Variants in BAZ2A observed in about 807,000 individuals in gnomAD.
BAZ2A encodes bromodomain adjacent to zinc finger domain 2A, also known as bromodomain adjacent to zinc finger domain protein 2A.
BAZ2A carries 34 observed loss-of-function variants against 199.9 expected under a neutral mutation model. The observed-to-expected ratio is 0.17, with a 90% CI of 0.13 to 0.23. The LOEUF (loss-of-function observed/expected upper bound fraction) is 0.23, where lower values mean the gene tolerates loss of function less well. Among genes scored for constraint, BAZ2A ranks in the 10% least tolerant of loss-of-function variants. The probability of loss-of-function intolerance (pLI) is 1.00; values close to 1 mark genes in which losing one functional copy is unlikely to be tolerated. For missense variants in BAZ2A, 2,002 were observed against 2,391.1 expected (o/e 0.84, Z 3.39); for synonymous variants, 857 against 883.9 (o/e 0.97, Z 0.54).
chr12:56,610,050 A>G, intron 9 of BAZ2A, 64 bp downstream of exon 9: 1 of 1,595,138 alleles, frequency 6.3e-7, no homozygotes, highest in Non-Finnish European at 8.6e-7. Context: ...CACGAGAGGA[A>G]GCTGCAGCTT....
chr12:56,604,435 G>A (rs1950281545), intron 15 of BAZ2A, 144 bp from the exon 16 acceptor site: 1 of 1,284,006 alleles, frequency 7.8e-7, no homozygotes, highest in African/African-American at 1.5e-5. Flanking sequence ...CTCTCCCAGG[G>A]AGGGCACTGC....
At chr12:56,603,268 G>A in intron 18 of BAZ2A, 91 bp downstream of exon 18, 1 of 1,406,052 alleles carries the variant, frequency 7.1e-7, no homozygotes, top group Non-Finnish European at 9.8e-7. Context: ...CATCTCAAAA[G>A]AATAAAAATT....
upstream of BAZ2A, among the ~76,000 whole-genome samples, chr12:56,631,844 T>C (rs1291497209): frequency 6.6e-6 from 1 of 152,056 alleles, no homozygotes; most frequent in Non-Finnish European, 1.5e-5. Context: ...CTACATTGGA[T>C]TTCCTTACTC....
In BAZ2A at chr12:56,601,529, T is replaced by C; in HGVS notation, c.4071+17A>G. The C allele has an allele frequency of 1.2e-6, 2 of 1,610,272 alleles. No individual in the cohort carries two copies. The highest frequency in any genetic ancestry group is 1.7e-6 in the Non-Finnish European group (2 of 1,178,972). ...CAAGATGAAATCAAGTGCATACTAC[T>C]AATTCTGGCTACTTACTGGCTTGGA... On this transcript the variant is annotated intron_variant, in intron 20 of 28. Coordinates refer to ENST00000549884, the MANE Select transcript of BAZ2A (RefSeq NM_001300905.2).
intron 1 of BAZ2A, among the ~76,000 whole-genome samples, chr12:56,618,811 A>G (rs1477611258): frequency 6.6e-6 from 1 of 152,024 alleles, no homozygotes; most frequent in African/African-American, 2.4e-5. Context: ...CAGAGGTTGC[A>G]GTGAGCTGAA....
chr12:56,614,251 T>C (rs1249221827), intron 3 of BAZ2A, 113 bp from the exon 4 acceptor site: 4 of 1,111,564 alleles, frequency 3.6e-6, no homozygotes, highest in East Asian at 4.8e-5. Context: ...TCAACATTTA[T>C]TGCGGCCAGT....
upstream of BAZ2A, among the ~76,000 whole-genome samples, chr12:56,631,218 C>G (rs1436305500): frequency 6.6e-6 from 1 of 151,828 alleles, no homozygotes; most frequent in African/African-American, 2.4e-5. Context: ...TTTGGGAGGC[C>G]GAGGCAGGTG....
At chr12:56,599,555 C>G (rs1195884833) in intron 26 of BAZ2A, 147 bp downstream of exon 26, 1 of 1,295,000 alleles carries the variant, frequency 7.7e-7, no homozygotes, top group East Asian at 2.5e-5. Flanking sequence ...GCAATTAAAG[C>G]TATAGAATTT....
chr12:56,602,615 AT>A (rs1342581198), intron 19 of BAZ2A, 97 bp downstream of exon 19: 2 of 1,462,902 alleles, frequency 1.4e-6, no homozygotes, highest in Non-Finnish European at 1.8e-6. Flanking sequence ...ACGCTATATT[AT>A]CAGAAAATGA....
At position 56,602,614 on chromosome 12, in the gene BAZ2A, T is replaced by C. The variant is rs1592560594; in HGVS notation, c.3424+99A>G. The C allele has an allele frequency of 2.1e-6, 3 of 1,459,756 alleles. No individual in the cohort carries two copies. In the East Asian group the frequency reaches 7.1e-5, roughly 35 times the overall value. The allele number at this position is 1,459,756 out of a possible 1,614,324, so 90.4% of individuals were successfully genotyped here. On this transcript the variant is annotated intron_variant, in intron 19 of 28. Coordinates refer to ENST00000549884, the MANE Select transcript of BAZ2A (RefSeq NM_001300905.2). Reference sequence around the variant, plus strand: ...TGTGCTCTTAACCATTACGCTATATTATCAGAAAATGAAAGAAGCCCAAGA... The same window carrying C: ...TGTGCTCTTAACCATTACGCTATATCATCAGAAAATGAAAGAAGCCCAAGA...
Position 56,600,671 on chromosome 12 carries a change from C to T in BAZ2A, c.4602+10G>A. 2 of 1,611,476 alleles carry T rather than the reference C, an allele frequency of 1.2e-6. No homozygotes were observed. Among genetic ancestry groups the T allele is most frequent in the Non-Finnish European group, 1.7e-6 (2 of 1,179,020 alleles). On this transcript the variant is annotated intron_variant, in intron 23 of 28. Transcript: ENST00000549884. ...CCCAACCTTCCTACACAGTGCCAATCCCAGCATACCCGAATCTGCAGATCA... is the reference window on the plus strand; with the variant it reads ...CCCAACCTTCCTACACAGTGCCAATTCCAGCATACCCGAATCTGCAGATCA...
At chr12:56,599,676 T>C (rs776937641) in intron 26 of BAZ2A, 26 bp downstream of exon 26, 24 of 1,611,936 alleles carry the variant, frequency 1.5e-5, no homozygotes, top group Non-Finnish European at 1.8e-5. Context: ...TGTTTGAGTG[T>C]GGGAAAGAAA....
chr12:56,603,493 C>T lies in BAZ2A; in HGVS notation c.3219+27G>A, dbSNP rs777187930. On this transcript the variant is annotated intron_variant, in intron 17 of 28. Transcript: ENST00000549884. ...GAAAGAGGAATTTATTTTCTAACTC[C>T]CACTTTCCTTGATCTTGGGCCAGTA... 2.5e-6 allele frequency: 4 copies of T among 1,613,810 alleles called. No homozygotes were observed. In the East Asian group the frequency reaches 8.9e-5, roughly 36 times the overall value.
At chr12:56,629,302 G>A (rs1011903722) in intron 1 of BAZ2A, among the ~76,000 whole-genome samples, 1 of 152,070 alleles carries the variant, frequency 6.6e-6, no homozygotes. Flanking sequence ...ACCCTACAAA[G>A]GACAACTGCT....
intron 5 of BAZ2A, among the ~76,000 whole-genome samples, chr12:56,612,481 C>T (rs1289025136): frequency 6.6e-6 from 1 of 152,200 alleles, no homozygotes; most frequent in Admixed American, 6.5e-5. Context: ...AATAAAGCTT[C>T]TAGCCTCCTT....
chr12:56,615,216 C>T lies in BAZ2A; in HGVS notation c.528G>A (p.Val176=). 6.2e-7 allele frequency: 1 copy of T among 1,613,842 alleles called. No individual in the cohort carries two copies. The highest frequency in any genetic ancestry group is 8.5e-7 in the Non-Finnish European group (1 of 1,179,842). Residue 176 remains valine, a synonymous_variant, in exon 3 of 29, where the codon GTG becomes GTA. Coordinates refer to ENST00000549884, the MANE Select transcript of BAZ2A (RefSeq NM_001300905.2). ...YDSFPDQNFE[V]MPNGPPSFFT... ...AAAAACTAGGGGGTCCATTGGGCAT[C>T]ACCTCAAAATTCTGGTCAGGAAAGG... is the stretch of plus-strand genomic sequence containing the variant.
rs1454825988 is a variant in BAZ2A, at chr12:56,598,986, G to A, written c.5428C>T (p.His1810Tyr). The change falls in exon 28 of 29, where the codon CAT becomes TAT. Residue 1810 changes from histidine to tyrosine, a missense_variant. By Grantham distance (83) the His-to-Tyr change is moderately conservative (BLOSUM62 2). Coordinates refer to ENST00000549884, the MANE Select transcript of BAZ2A (RefSeq NM_001300905.2). ...TCTAGGAAAGGCCAGGCTGCATCAT[G>A]GGACTCCATCTCCATCAGGATAATC... ...CEIILMEMES[H>Y]DAAWPFLEPV... is the part of the protein sequence containing the mutation. 6.2e-7 allele frequency: 1 copy of A among 1,611,128 alleles called. No homozygotes were observed. Among genetic ancestry groups the A allele is most frequent in the African/African-American group, 1.3e-5 (1 of 74,866 alleles).
At chr12:56,610,035 A>C in intron 9 of BAZ2A, 79 bp downstream of exon 9, 3 of 1,601,944 alleles carry the variant, frequency 1.9e-6, no homozygotes, top group Non-Finnish European at 2.6e-6. Context: ...AGAACCTTCA[A>C]ACCCCACGAG....
At position 56,602,218 on chromosome 12, in the gene BAZ2A, C is replaced by A. The variant is rs11829918; in HGVS notation, c.3425-26G>T. The A allele has an allele frequency of 2.5e-3, 3,845 of 1,525,668 alleles. 78 individuals are homozygous for A. The African/African-American group carries it at 0.047, about 19-fold the overall frequency. The allele number at this position is 1,525,668 out of a possible 1,614,324, so 94.5% of individuals were successfully genotyped here. A position where few individuals can be genotyped will look rare whatever the true frequency, so the allele number is the denominator to read the frequency against. On this transcript the variant is annotated intron_variant, in intron 19 of 28. Coordinates refer to ENST00000549884, the MANE Select transcript of BAZ2A (RefSeq NM_001300905.2). ...CTGTAAAGAGAAGTAAAGAGTTAAG[C>A]CATATGCTGACATACAAGGGAAAAG...
Sources: allele counts gnomAD v4.1 joint callset (sites outside exome capture counted in the v4.1 genomes callset), GRCh38; gene constraint gnomAD v4.1.1; transcripts MANE v1.5; gene names NCBI Gene and HGNC (gene_info 2026-07-23, HGNC 2026-07-21).